Variants in DENND5A observed in about 807,000 individuals in gnomAD.
DENND5A encodes the protein DENN domain-containing protein 5A.
A neutral mutation model predicts 140.3 loss-of-function variants in DENND5A; 64 were observed. That is an observed-to-expected ratio of 0.46 (90% CI 0.37 to 0.56). DENND5A has a LOEUF of 0.56. Among genes scored for constraint, DENND5A ranks in the 20% least tolerant of loss-of-function variants. The probability of loss-of-function intolerance (pLI) is 0.00; values close to 1 mark genes in which losing one functional copy is unlikely to be tolerated. For synonymous variants in DENND5A, 605 were observed against 607.7 expected (o/e 1.00, Z 0.07); for missense variants, 1,292 against 1,593.8 (o/e 0.81, Z 3.22).
Position 9,155,107 on chromosome 11 carries a change from C to G in DENND5A, c.2437-2665G>C, listed in dbSNP as rs1590213604. On this transcript the variant is annotated intron_variant, in intron 12 of 22. Coordinates refer to ENST00000328194, the MANE Select transcript of DENND5A (RefSeq NM_015213.4). ...GAGATTGCAGTGAGTCAAGATGGCA[C>G]TACTGCACTCCAGCCTGGGCAACAG... is the stretch of plus-strand genomic sequence containing the variant. 2.6e-5 allele frequency among the ~76,000 whole-genome samples: 4 copies of G among 150,976 alleles called. No individual in the cohort carries two copies. In the South Asian group the frequency reaches 8.4e-4, roughly 32 times the overall value.
chr11:9,150,102 A>T lies in DENND5A; in HGVS notation c.2714T>A (p.Leu905His). ...TTACTTGGTGAGCTCATGGTCTGAG[A>T]GGAGCTGCTTCAGGTGTCTGGAAAG... ...KLLSRHLKQL[L>H]SDHELTKKLY... Residue 905 changes from leucine to histidine, a missense_variant, in exon 15 of 23, where the codon CTC becomes CAC. Coordinates refer to ENST00000328194, the MANE Select transcript of DENND5A (RefSeq NM_015213.4). The T allele has an allele frequency of 6.2e-7, 1 of 1,613,564 alleles. No individual in the cohort carries two copies. The highest frequency in any genetic ancestry group is 8.5e-7 in the Non-Finnish European group (1 of 1,179,644).
intron 1 of DENND5A, chr11:9,245,652 G>C (rs1851441213): frequency 6.6e-6 from 1 of 151,878 alleles, no homozygotes; most frequent in Non-Finnish European, 1.5e-5. Flanking sequence ...ATTTATTGTT[G>C]AGAGGGAGTC....
chr11:9,204,632 G>A (rs1258855707), intron 3 of DENND5A, among the ~76,000 whole-genome samples: 7 of 152,180 alleles, frequency 4.6e-5, no homozygotes, highest in African/African-American at 1.7e-4. Flanking sequence ...GGAGGCCAAG[G>A]CAGGTGGATC....
chr11:9,177,721 T>A (rs945011323), intron 8 of DENND5A, among the ~76,000 whole-genome samples: 9 of 144,918 alleles, frequency 6.2e-5, no homozygotes, highest in African/African-American at 1.0e-4. Flanking sequence ...TGACATCATT[T>A]AAAAAAAAAA....
chr11:9,248,356 T>C (rs1392630846), intron 1 of DENND5A, among the ~76,000 whole-genome samples: 1 of 152,032 alleles, frequency 6.6e-6, no homozygotes, highest in Admixed American at 6.6e-5. Flanking sequence ...ATGGTGGTCA[T>C]GACTTAAAGG....
In DENND5A at chr11:9,193,650, C is replaced by T. The variant is rs774405273; in HGVS notation, c.981G>A (p.Thr327=). The T allele has an allele frequency of 2.0e-5, 32 of 1,613,464 alleles. No individual in the cohort carries two copies. The highest frequency in any genetic ancestry group is 1.2e-4 in the Admixed American group (7 of 59,916). Residue 327 remains threonine (T), a synonymous_variant, in exon 5 of 23, where the codon ACG becomes ACA. Transcript: ENST00000328194. ...GGAAAGGAAACATGAGAGCTGTAAT[C>T]GTCTCCGCCACAGTCATCAGTCTCT... ...HYQRLMTVAE[T]ITALMFPFQW...
chr11:9,185,366 T>C (rs1403760927), intron 5 of DENND5A, among the ~76,000 whole-genome samples: 1 of 152,162 alleles, frequency 6.6e-6, no homozygotes, highest in East Asian at 1.9e-4. Flanking sequence ...CCATCTGAAG[T>C]TGATTTTGTT....
chr11:9,256,908 T>A (rs1034665895), intron 1 of DENND5A, among the ~76,000 whole-genome samples: 2 of 152,196 alleles, frequency 1.3e-5, no homozygotes, highest in African/African-American at 4.8e-5. Flanking sequence ...CTCAATAAAA[T>A]TGTTTATATA....
intron 1 of DENND5A, among the ~76,000 whole-genome samples, chr11:9,260,047 AAAAGAG>A (rs1852125910): frequency 6.6e-6 from 1 of 151,334 alleles, no homozygotes; most frequent in Non-Finnish European, 1.5e-5. Flanking sequence ...AAAAAAAAAA[AAAAGAG>A]AGAGACTATT....
intron 1 of DENND5A, among the ~76,000 whole-genome samples, chr11:9,244,942 G>A (rs1192575063): frequency 6.6e-6 from 1 of 151,884 alleles, no homozygotes; most frequent in Non-Finnish European, 1.5e-5. Flanking sequence ...CTCCGAAAGT[G>A]CTGGGATTAC....
At chr11:9,238,639 C>T (rs896529639) in intron 1 of DENND5A, among the ~76,000 whole-genome samples, 3 of 151,924 alleles carry the variant, frequency 2.0e-5, no homozygotes, top group Admixed American at 6.6e-5. Context: ...TGGTCTCGAT[C>T]TCCTGACCTT....
At chr11:9,260,749 A>T (rs1852159638) in intron 1 of DENND5A, among the ~76,000 whole-genome samples, 1 of 152,256 alleles carries the variant, frequency 6.6e-6, no homozygotes, top group African/African-American at 2.4e-5. Flanking sequence ...AGAAAGGGAA[A>T]GAAGTGACAG....
intron 15 of DENND5A, among the ~76,000 whole-genome samples, chr11:9,149,289 T>G (rs1162444682): frequency 1.3e-5 from 2 of 152,196 alleles, no homozygotes; most frequent in Non-Finnish European, 2.9e-5. Flanking sequence ...ATACTCTTCA[T>G]AGACTGTCCA....
intron 7 of DENND5A, 91 bp downstream of exon 7, chr11:9,178,767 A>G (rs926587096): frequency 1.0e-5 from 11 of 1,100,878 alleles, no homozygotes; most frequent in Non-Finnish European, 1.5e-5. Context: ...ATAATCTTCC[A>G]TTACTTCTTC....
chr11:9,174,602 A>G (rs1848488668), intron 8 of DENND5A, among the ~76,000 whole-genome samples: 3 of 151,902 alleles, frequency 2.0e-5, no homozygotes, highest in African/African-American at 4.8e-5. Context: ...TGAGAAGCTA[A>G]GACGAGAGGA....
intron 5 of DENND5A, among the ~76,000 whole-genome samples, chr11:9,182,975 C>T (rs1293830550): frequency 6.6e-6 from 1 of 152,156 alleles, no homozygotes; most frequent in Non-Finnish European, 1.5e-5. Context: ...ACCATTTGAT[C>T]ATTACATACA....
intron 4 of DENND5A, chr11:9,203,424 G>C (rs1849586362): frequency 2.2e-6 from 1 of 462,890 alleles, no homozygotes; most frequent in Non-Finnish European, 3.9e-6. Flanking sequence ...AGGGACATAG[G>C]AAGCAATGTT....
intron 12 of DENND5A, among the ~76,000 whole-genome samples, chr11:9,157,886 T>C (rs1367475427): frequency 6.6e-6 from 1 of 152,226 alleles, no homozygotes; most frequent in Non-Finnish European, 1.5e-5. Flanking sequence ...TTTCAGAAAG[T>C]GCAAGTTGCT....
intron 20 of DENND5A, chr11:9,143,048 G>T: frequency 1.6e-6 from 1 of 640,852 alleles, no homozygotes; most frequent in Non-Finnish European, 2.6e-6. Context: ...TGAAAGAAGA[G>T]ATGATGGATC....
Sources: allele counts gnomAD v4.1 joint callset (sites outside exome capture counted in the v4.1 genomes callset), GRCh38; gene constraint gnomAD v4.1.1; transcripts MANE v1.5; gene names NCBI Gene and HGNC (gene_info 2026-07-23, HGNC 2026-07-21).